Variants in XRN1 observed in about 807,000 individuals in gnomAD.
XRN1 encodes strand-exchange protein 1 homolog.
In XRN1, 67 loss-of-function variants were observed where a neutral mutation model predicts 222.3. The ratio of observed to expected loss-of-function variants is 0.30; its 90% CI spans 0.25 to 0.37. The LOEUF is 0.37. Ranked by LOEUF, XRN1 falls within the 10% of genes least tolerant of loss-of-function variation. XRN1 has a pLI of 1.00. For missense variants in XRN1, 1,707 were observed against 2,000.2 expected (o/e 0.85, Z 2.80); for synonymous variants, 643 against 652.4 (o/e 0.99, Z 0.22).
intron 1 of XRN1, among the ~76,000 whole-genome samples, chr3:142,444,483 C>T (rs2070405986): frequency 6.6e-6 from 1 of 152,138 alleles, no homozygotes; most frequent in African/African-American, 2.4e-5. Flanking sequence ...TAGTGGCACA[C>T]GCCTAATCCC....
intron 27 of XRN1, among the ~76,000 whole-genome samples, chr3:142,368,463 T>C (rs2066886792): frequency 6.6e-6 from 1 of 152,202 alleles, no homozygotes; most frequent in Admixed American, 6.5e-5. Flanking sequence ...TGCACATATA[T>C]ATTTTAAAAT....
rs1393810719 is a variant in XRN1 at position 142,309,211 on chromosome 3, G to GT, written c.*2299dup. 6.6e-6 allele frequency: 1 copy of GT among 151,998 alleles called. No individual in the cohort carries two copies. Among genetic ancestry groups the GT allele is most frequent in the African/African-American group, 2.4e-5 (1 of 41,388 alleles). 9.4% of individuals were successfully genotyped at this position (151,998 alleles called of 1,614,324 possible). A position where few individuals can be genotyped will look rare whatever the true frequency, so the allele number is the denominator to read the frequency against. ...TTAGAATAATAATGTTAAAAAAAAA[G>GT]TAAGGATAATAAAACTTTTTTCTTT... is the stretch of plus-strand genomic sequence containing the variant. On this transcript the variant is annotated 3_prime_UTR_variant, in exon 41 of 41. Transcript: ENST00000392981.
In XRN1 at chr3:142,307,194, G is replaced by T. The variant is rs1402062173; in HGVS notation, c.*4317C>A. On this transcript the variant is annotated 3_prime_UTR_variant, in exon 41 of 41. Coordinates refer to ENST00000392981, the MANE Select transcript of XRN1 (RefSeq NM_001282857.2). The stretch of plus-strand genomic sequence containing the variant: ...ACCCTTAACTGTAAGGGAAAGAAAG[G>T]AAGAGAGAACTTAAAGCTAACTATG... The T allele has an allele frequency of 2.6e-5, 4 of 152,070 alleles. No homozygotes were observed. Among genetic ancestry groups the T allele is most frequent in the Non-Finnish European group, 4.4e-5 (3 of 68,004 alleles). The allele number at this position is 152,070 out of a possible 1,614,324, so 9.4% of individuals were successfully genotyped here. A position where few individuals can be genotyped will look rare whatever the true frequency, so the allele number is the denominator to read the frequency against.
intron 20 of XRN1, among the ~76,000 whole-genome samples, chr3:142,389,143 G>C (rs1056095652): frequency 2.6e-5 from 4 of 152,188 alleles, no homozygotes; most frequent in Non-Finnish European, 5.9e-5. Flanking sequence ...AACACAAGAG[G>C]TGGAGGTTGC....
intron 15 of XRN1, among the ~76,000 whole-genome samples, chr3:142,409,846 ATGT>A (rs1267452627): frequency 1.3e-5 from 2 of 152,138 alleles, no homozygotes; most frequent in African/African-American, 2.4e-5. Context: ...GCTTCCACAT[ATGT>A]TGTTAAGTTT....
In XRN1 at chr3:142,432,708, A is replaced by G. The variant is rs578043666; in HGVS notation, c.261T>C (p.Gly87=). 15 of 1,612,604 alleles carry G rather than the reference A, an allele frequency of 9.3e-6. No homozygotes were observed. In the South Asian group the frequency reaches 1.3e-4, roughly 14 times the overall value. ...PRKVFFMAVD[G]VAPRAKMNQQ... ...GGTTCATTTTTGCTCGAGGAGCCAC[A>G]CCATCTACAGCCATAAAGAACACTT... Residue 87 remains glycine (G), a synonymous_variant, in exon 2 of 41, where the codon GGT becomes GGC. Transcript: ENST00000392981.
intron 15 of XRN1, 88 bp from the exon 16 acceptor site, chr3:142,405,164 G>A: frequency 7.6e-7 from 1 of 1,311,468 alleles, no homozygotes; most frequent in Non-Finnish European, 1.1e-6. Flanking sequence ...TCCATATACA[G>A]AATAACCATT....
chr3:142,429,126 T>C (rs933592621), intron 2 of XRN1, among the ~76,000 whole-genome samples: 2 of 151,908 alleles, frequency 1.3e-5, no homozygotes, highest in Non-Finnish European at 2.9e-5. Context: ...AGAAGTATTC[T>C]TTGGATTTAG....
At chr3:142,406,742 G>A (rs1266989413) in intron 15 of XRN1, among the ~76,000 whole-genome samples, 1 of 151,756 alleles carries the variant, frequency 6.6e-6, no homozygotes, top group African/African-American at 2.4e-5. Context: ...TGCCCAGGGT[G>A]GGCTTGAACT....
At chr3:142,387,011 T>C (rs2067529054) in intron 20 of XRN1, among the ~76,000 whole-genome samples, 2 of 151,978 alleles carry the variant, frequency 1.3e-5, no homozygotes, top group South Asian at 4.1e-4. Flanking sequence ...CATAGACATA[T>C]ACCCAAAAGG....
At position 142,433,175 on chromosome 3, in the gene XRN1, G is replaced by A. The variant is rs111887643; in HGVS notation, c.76-282C>T. Among the ~76,000 whole-genome samples the A allele has an allele frequency of 5.0e-3, 760 of 152,170 alleles. 9 individuals carry two copies. Among genetic ancestry groups the A allele is most frequent in the African/African-American group, 0.018 (738 of 41,506 alleles). On this transcript the variant is annotated intron_variant, in intron 1 of 40. Coordinates refer to ENST00000392981, the MANE Select transcript of XRN1 (RefSeq NM_001282857.2). ...GCTCCAAGAAAACACCAAATAAAGT[G>A]CTTGGTTCATTTGGTACTCAAAATA... is the stretch of plus-strand genomic sequence containing the variant.
chr3:142,370,687 CA>C, intron 26 of XRN1, 67 bp from the exon 27 acceptor site: 8 of 1,365,354 alleles, frequency 5.9e-6, no homozygotes, highest in Non-Finnish European at 7.9e-6. Context: ...TTATAAAAGA[CA>C]TAAAACTTAT....
intron 32 of XRN1, among the ~76,000 whole-genome samples, chr3:142,354,902 A>G (rs1032701202): frequency 2.0e-5 from 3 of 152,228 alleles, no homozygotes; most frequent in Non-Finnish European, 4.4e-5. Context: ...CATAAAAAAG[A>G]ATGAAATAAC....
In XRN1 at chr3:142,403,722, T is replaced by G. The variant is rs761240660; in HGVS notation, c.2055A>C (p.Gly685=). 2 of 1,613,300 alleles carry G rather than the reference T, an allele frequency of 1.2e-6. No homozygotes were observed. Among genetic ancestry groups the G allele is most frequent in the East Asian group, 2.2e-5 (1 of 44,788 alleles). Residue 685 remains glycine, a synonymous_variant, in exon 18 of 41, where the codon GGA becomes GGC. Transcript: ENST00000392981. ...CTAAGATTTCCAACATCATGTTTTC[T>G]CCACGACTGCTTTGCTGGAATACTT... ...GVQVFQQSSR[G]ENMMLEILVD... is the part of the protein sequence containing the mutation.
intron 35 of XRN1, 126 bp from the exon 36 acceptor site, chr3:142,332,660 T>C (rs1050546950): frequency 2.1e-6 from 2 of 934,124 alleles, no homozygotes; most frequent in Non-Finnish European, 3.0e-6. Context: ...ATTAACTACA[T>C]TCAGATAGAA....
intron 12 of XRN1, 41 bp downstream of exon 12, chr3:142,418,463 A>G: frequency 6.7e-7 from 1 of 1,482,428 alleles, no homozygotes; most frequent in Non-Finnish European, 9.2e-7. Flanking sequence ...GCAAAATCTA[A>G]TTTTTTCTAT....
intron 23 of XRN1, 67 bp downstream of exon 23, chr3:142,380,015 C>A: frequency 7.7e-7 from 1 of 1,294,716 alleles, no homozygotes; most frequent in South Asian, 1.6e-5. Flanking sequence ...AAGGAGGTGG[C>A]AAAAATATCC....
At chr3:142,361,872 T>C (rs1171755858) in intron 29 of XRN1, among the ~76,000 whole-genome samples, 2 of 149,062 alleles carry the variant, frequency 1.3e-5, no homozygotes, top group Non-Finnish European at 3.0e-5. Context: ...TTCATTTCTG[T>C]AATGGTGTCT....
At chr3:142,413,979 T>C (rs915491236) in intron 14 of XRN1, among the ~76,000 whole-genome samples, 156 bp downstream of exon 14, 6 of 152,222 alleles carry the variant, frequency 3.9e-5, no homozygotes, top group Admixed American at 2.0e-4. Context: ...AATCAAAGAA[T>C]TACTTTTCAA....
Sources: gnomAD v4.1 joint callset for allele counts (sites outside exome capture counted in the v4.1 genomes callset) on GRCh38, gnomAD v4.1.1 for gene constraint, MANE v1.5 for transcripts, NCBI Gene and HGNC (gene_info 2026-07-23, HGNC 2026-07-21) for gene names.